The following ACER2 variants were observed in gnomAD, a reference collection of about 807,000 sequenced individuals.
ACER2 encodes alkaline ceramidase 2.
In ACER2, 26 loss-of-function variants were observed where a neutral mutation model predicts 34.7. The observed-to-expected ratio is 0.75, with a 90% CI of 0.55 to 1.04. ACER2 has a LOEUF of 1.04. Among genes scored for constraint, ACER2 ranks in the 50% least tolerant of loss-of-function variants. The pLI is 0.00. For missense variants in ACER2, 352 were observed against 340.8 expected (o/e 1.03, Z -0.26); for synonymous variants, 138 against 132.1 (o/e 1.04, Z -0.31).
intron 1 of ACER2, among the ~76,000 whole-genome samples, chr9:19,412,058 T>C (rs1475999288): frequency 6.6e-6 from 1 of 152,240 alleles, no homozygotes; most frequent in Non-Finnish European, 1.5e-5. Context: ...AAGCTATAAG[T>C]GCCACTGTAA....
intron 3 of ACER2, among the ~76,000 whole-genome samples, chr9:19,429,809 T>G (rs1221330610): frequency 6.6e-6 from 1 of 152,158 alleles, no homozygotes; most frequent in Non-Finnish European, 1.5e-5. Context: ...TGGGCCTTAG[T>G]GCTTTAGTTA....
chr9:19,414,007 C>G (rs887244585), intron 1 of ACER2, among the ~76,000 whole-genome samples: 1 of 152,180 alleles, frequency 6.6e-6, no homozygotes, highest in Non-Finnish European at 1.5e-5. Flanking sequence ...GAGGTGTGTA[C>G]AAGCCGCTGA....
At chr9:19,435,760 A>G (rs1367240211) in intron 4 of ACER2, among the ~76,000 whole-genome samples, 1 of 146,334 alleles carries the variant, frequency 6.8e-6, no homozygotes, top group Non-Finnish European at 1.5e-5. Context: ...CAAAAAAAGG[A>G]AAAAAAAAGC....
intron 1 of ACER2, among the ~76,000 whole-genome samples, chr9:19,412,013 T>G (rs997893738): frequency 6.6e-6 from 1 of 152,226 alleles, no homozygotes; most frequent in South Asian, 2.1e-4. Context: ...AAGTCAGAAC[T>G]TGGTCCATTT....
intron 4 of ACER2, among the ~76,000 whole-genome samples, chr9:19,440,292 A>G (rs540407108): frequency 6.6e-6 from 1 of 152,278 alleles, no homozygotes; most frequent in South Asian, 2.1e-4. Context: ...CTTTGCATGT[A>G]GGAATCCCTT....
chr9:19,441,869 C>G (rs1052696529), intron 4 of ACER2, among the ~76,000 whole-genome samples: 1 of 152,136 alleles, frequency 6.6e-6, no homozygotes, highest in African/African-American at 2.4e-5. Flanking sequence ...ACCTCTTTCC[C>G]GAATCTTCCC....
intron 3 of ACER2, among the ~76,000 whole-genome samples, chr9:19,427,614 C>T (rs1563879662): frequency 7.0e-6 from 1 of 142,776 alleles, no homozygotes; most frequent in African/African-American, 2.9e-5. Flanking sequence ...CTTTCTTTCT[C>T]CCTTCCCTCC....
At chr9:19,419,578 C>T (rs1233785053) in intron 1 of ACER2, among the ~76,000 whole-genome samples, 2 of 152,086 alleles carry the variant, frequency 1.3e-5, no homozygotes, top group Non-Finnish European at 2.9e-5. Context: ...CCAGCCTGGC[C>T]AACGTGATGA....
At chr9:19,439,114 A>G (rs370844028) in intron 4 of ACER2, among the ~76,000 whole-genome samples, 6 of 152,356 alleles carry the variant, frequency 3.9e-5, no homozygotes, top group East Asian at 3.9e-4. Context: ...AAATAATTAC[A>G]TAAGAAATAA....
Position 19,421,795 on chromosome 9 carries a change from A to T in ACER2, c.109-2067A>T, listed in dbSNP as rs991534608. Among the ~76,000 whole-genome samples the T allele has an allele frequency of 2.6e-5, 4 of 152,284 alleles. No individual in the cohort carries two copies. In the South Asian group the frequency reaches 6.2e-4, roughly 24 times the overall value. ...TAAAGTTCAGAAAAAAAAAGCTTTG[A>T]GTCTGTGAAACAAACAAACCCCAAA... On this transcript the variant is annotated intron_variant, in intron 1 of 5. Transcript: ENST00000340967.
At chr9:19,412,985 C>G (rs1038031436) in intron 1 of ACER2, among the ~76,000 whole-genome samples, 3 of 152,158 alleles carry the variant, frequency 2.0e-5, no homozygotes, top group African/African-American at 7.2e-5. Context: ...GATGTACTTT[C>G]GCAAGCACTA....
intron 4 of ACER2, among the ~76,000 whole-genome samples, chr9:19,441,866 T>G (rs1195801140): frequency 1.3e-5 from 2 of 152,190 alleles, no homozygotes; most frequent in African/African-American, 4.8e-5. Context: ...TAGACCTCTT[T>G]CCCGAATCTT....
chr9:19,443,086 A>C (rs1317989760), intron 4 of ACER2, among the ~76,000 whole-genome samples: 1 of 150,620 alleles, frequency 6.6e-6, no homozygotes, highest in Non-Finnish European at 1.5e-5. Context: ...GCTGGAGTGC[A>C]GTGGCGCGAT....
At chr9:19,434,039 T>G (rs1182500489) in intron 3 of ACER2, among the ~76,000 whole-genome samples, 66 of 105,194 alleles carry the variant, frequency 6.3e-4, no homozygotes, top group Middle Eastern at 8.5e-3. Context: ...GGGCGGAGGG[T>G]CTCCTCACTT....
intron 3 of ACER2, among the ~76,000 whole-genome samples, chr9:19,426,239 A>C (rs1440278692): frequency 6.6e-6 from 1 of 151,268 alleles, no homozygotes; most frequent in Non-Finnish European, 1.5e-5. Flanking sequence ...AAAAAAAAAA[A>C]AACAAAATTA....
At chr9:19,440,352 C>T (rs562693406) in intron 4 of ACER2, among the ~76,000 whole-genome samples, 1 of 152,264 alleles carries the variant, frequency 6.6e-6, no homozygotes, top group South Asian at 2.1e-4. Flanking sequence ...GTTTGTATCT[C>T]CCCTGAATTC....
intron 3 of ACER2, 148 bp from the exon 4 acceptor site, chr9:19,434,799 C>T (rs888141574): frequency 2.3e-5 from 23 of 980,838 alleles, no homozygotes; most frequent in Middle Eastern, 3.3e-4. Context: ...GCTCTGTCGC[C>T]GTGAGTGGCT....
At chr9:19,445,874 A>G (rs1831339669) in intron 4 of ACER2, among the ~76,000 whole-genome samples, 4 of 152,194 alleles carry the variant, frequency 2.6e-5, no homozygotes, top group Non-Finnish European at 5.9e-5. Flanking sequence ...TGGCGGTAGC[A>G]TGGATCTAGA....
chr9:19,431,001 A>G (rs764797184), intron 3 of ACER2, among the ~76,000 whole-genome samples: 1 of 143,870 alleles, frequency 7.0e-6, no homozygotes, highest in Non-Finnish European at 1.5e-5. Context: ...CCAAACAACA[A>G]CAACAACAAA....
Sources: allele counts gnomAD v4.1 joint callset (sites outside exome capture counted in the v4.1 genomes callset), GRCh38; gene constraint gnomAD v4.1.1; transcripts MANE v1.5; gene names NCBI Gene and HGNC (gene_info 2026-07-23, HGNC 2026-07-21).